The following WDPCP variants were observed in gnomAD, a reference collection of about 807,000 sequenced individuals.
WDPCP encodes the protein WD repeat-containing and planar cell polarity effector protein fritz homolog.
In WDPCP, 71 loss-of-function variants were observed where a neutral mutation model predicts 93.1. The ratio of observed to expected loss-of-function variants is 0.76; its 90% CI spans 0.63 to 0.93. The LOEUF (loss-of-function observed/expected upper bound fraction) is 0.93, where lower values mean the gene tolerates loss of function less well. Among genes scored for constraint, WDPCP ranks in the 40% least tolerant of loss-of-function variants. The pLI, the probability that WDPCP is intolerant of heterozygous loss-of-function variation, is 0.00. For synonymous variants in WDPCP, 315 were observed against 315.0 expected (o/e 1.00, Z 0.00); for missense variants, 844 against 887.4 (o/e 0.95, Z 0.62).
chr2:63,156,323 A>G (rs1672246946), intron 15 of WDPCP, among the ~76,000 whole-genome samples: 4 of 152,096 alleles, frequency 2.6e-5, no homozygotes, highest in Admixed American at 6.5e-5. Flanking sequence ...AATCTTCTTA[A>G]GTTTTTAGCA....
chr2:63,253,036 A>C (rs1170634471), intron 14 of WDPCP, among the ~76,000 whole-genome samples: 2 of 152,212 alleles, frequency 1.3e-5, no homozygotes. Context: ...TGCAGTAACC[A>C]AAACAACATA....
At chr2:63,287,339 A>T (rs1251247445) in intron 13 of WDPCP, among the ~76,000 whole-genome samples, 1 of 150,878 alleles carries the variant, frequency 6.6e-6, no homozygotes, top group South Asian at 2.1e-4. Flanking sequence ...CAACATACTC[A>T]TATCAACTTA....
chr2:63,151,409 G>C (rs1026283744), intron 17 of WDPCP, among the ~76,000 whole-genome samples: 3 of 152,130 alleles, frequency 2.0e-5, no homozygotes, highest in Non-Finnish European at 4.4e-5. Flanking sequence ...GTTTTTAGTA[G>C]AGATGGGGTT....
At chr2:63,353,827 G>T (rs567625652) in intron 12 of WDPCP, among the ~76,000 whole-genome samples, 1 of 152,108 alleles carries the variant, frequency 6.6e-6, no homozygotes, top group Non-Finnish European at 1.5e-5. Context: ...TGGAAAATCC[G>T]AAGTGACAAG....
At chr2:63,306,442 G>T (rs1685751825) in intron 13 of WDPCP, among the ~76,000 whole-genome samples, 1 of 152,082 alleles carries the variant, frequency 6.6e-6, no homozygotes, top group Non-Finnish European at 1.5e-5. Flanking sequence ...AACAAAAAAA[G>T]AAAATTTCAG....
chr2:63,746,950 G>T (rs938058899), intron 2 of WDPCP, among the ~76,000 whole-genome samples: 17 of 151,982 alleles, frequency 1.1e-4, no homozygotes, highest in African/African-American at 4.1e-4. Context: ...TGGGTTTTAT[G>T]GCTCGGGGGC....
chr2:63,643,609 G>C (rs1575737210), intron 3 of WDPCP: 1 of 442,860 alleles, frequency 2.3e-6, no homozygotes, highest in Non-Finnish European at 4.5e-6. Flanking sequence ...GTAGTGGATA[G>C]TGTGAACATC....
intron 17 of WDPCP, among the ~76,000 whole-genome samples, chr2:63,144,735 C>T (rs10196765): frequency 1.6e-3 from 246 of 152,336 alleles, no homozygotes; most frequent in African/African-American, 5.6e-3. Context: ...AATAACTAAC[C>T]TCCCTAAATT....
At chr2:63,123,720 A>C (rs544583629) in intron 17 of WDPCP, among the ~76,000 whole-genome samples, 3 of 152,124 alleles carry the variant, frequency 2.0e-5, no homozygotes, top group Non-Finnish European at 4.4e-5. Context: ...AGTAAAACAT[A>C]ATCATTAAAT....
intron 2 of WDPCP, among the ~76,000 whole-genome samples, chr2:63,767,401 CT>C (rs1388053789): frequency 6.6e-6 from 1 of 152,080 alleles, no homozygotes; most frequent in Non-Finnish European, 1.5e-5. Flanking sequence ...TATGGCTTAA[CT>C]TTTTAAAAAG....
chr2:63,641,611 C>T lies in WDPCP; in HGVS notation n.488+9048G>A, dbSNP rs547990920. The stretch of plus-strand genomic sequence containing the variant: ...TCTTCTTTTGAGAAATGTCTCTGCA[C>T]ATCTTTTGCCCATTTTTTGGATTGG... On this transcript the variant is annotated intron_variant and non_coding_transcript_variant, in intron 3 of 4. Coordinates refer to the WDPCP transcript ENST00000467687. 9.9e-5 allele frequency among the ~76,000 whole-genome samples: 15 copies of T among 152,140 alleles called. No individual in the cohort carries two copies. The South Asian group carries it at 3.1e-3, about 32-fold the overall frequency.
At chr2:63,760,002 TG>T (rs1335233484) in intron 2 of WDPCP, among the ~76,000 whole-genome samples, 5 of 152,160 alleles carry the variant, frequency 3.3e-5, no homozygotes. Context: ...AGAGGGAGGC[TG>T]GATGAGTCTC....
At chr2:63,566,279 T>A (rs749931293) in intron 1 of WDPCP, among the ~76,000 whole-genome samples, 1 of 152,234 alleles carries the variant, frequency 6.6e-6, no homozygotes, top group Non-Finnish European at 1.5e-5. Context: ...TAGATGGATA[T>A]CTGATTTGCG....
At chr2:63,191,760 T>C (rs1030694104) in intron 14 of WDPCP, among the ~76,000 whole-genome samples, 2 of 152,224 alleles carry the variant, frequency 1.3e-5, no homozygotes, top group African/African-American at 4.8e-5. Context: ...GTTTTTTTTA[T>C]GGCCCACAAT....
intron 10 of WDPCP, among the ~76,000 whole-genome samples, chr2:63,391,804 A>C (rs1206124019): frequency 6.6e-6 from 1 of 152,198 alleles, no homozygotes; most frequent in Non-Finnish European, 1.5e-5. Context: ...AAGAGAAGAA[A>C]ATATCTAGGA....
intron 13 of WDPCP, among the ~76,000 whole-genome samples, chr2:63,307,377 G>GA (rs1045204455): frequency 5.9e-5 from 9 of 151,720 alleles, no homozygotes; most frequent in East Asian, 1.9e-4. Context: ...CACAGAATTA[G>GA]AAACAAAACT....
chr2:63,438,853 A>G (rs1357767107), intron 7 of WDPCP, among the ~76,000 whole-genome samples: 1 of 152,110 alleles, frequency 6.6e-6, no homozygotes, highest in Non-Finnish European at 1.5e-5. Context: ...AATTTAAGAT[A>G]CTGACCATTT....
intron 1 of WDPCP, among the ~76,000 whole-genome samples, chr2:63,826,976 C>T (rs1671122474): frequency 6.6e-6 from 1 of 151,980 alleles, no homozygotes; most frequent in South Asian, 2.1e-4. Context: ...TTTAGGTCTC[C>T]CATCTTTTGA....
At chr2:63,697,132 T>TGTA in intron 2 of WDPCP, among the ~76,000 whole-genome samples, 1 of 64,244 alleles carries the variant, frequency 1.6e-5, no homozygotes, top group Non-Finnish European at 3.5e-5. Context: ...TTATAGTAGC[T>TGTA]GTAGTAGTAG....
Sources: gnomAD v4.1 joint callset for allele counts (sites outside exome capture counted in the v4.1 genomes callset) on GRCh38, gnomAD v4.1.1 for gene constraint, MANE v1.5 for transcripts, NCBI Gene and HGNC (gene_info 2026-07-23, HGNC 2026-07-21) for gene names.